Variants in ATP2C2 observed in about 807,000 individuals in gnomAD.
ATP2C2 encodes calcium-transporting ATPase type 2C member 2.
A neutral mutation model predicts 110.8 loss-of-function variants in ATP2C2; 171 were observed. The ratio of observed to expected loss-of-function variants is 1.54; its 90% confidence interval spans 1.36 to 1.75. The LOEUF (loss-of-function observed/expected upper bound fraction) is 1.75. ATP2C2 is among the 40% of genes most tolerant of loss of function. The pLI is 0.00. For missense variants in ATP2C2, 1,963 were observed against 1,235.0 expected, an observed-to-expected ratio of 1.59 and a Z score of -8.84; for synonymous variants, 804 against 508.4, an observed-to-expected ratio of 1.58 and a Z score of -7.82.
At chr16:84,381,734 G>A (rs531358326) in intron 1 of ATP2C2, among the ~76,000 whole-genome samples, 67 of 152,232 alleles carry the variant, frequency 4.4e-4, no homozygotes, top group Non-Finnish European at 8.8e-4. Flanking sequence ...GTAGGCATTC[G>A]TATTTAACCC....
chr16:84,420,037 T>C (rs1567711030), intron 7 of ATP2C2, among the ~76,000 whole-genome samples: 1 of 152,120 alleles, frequency 6.6e-6, no homozygotes, highest in Non-Finnish European at 1.5e-5. Context: ...AAGTTTTCGC[T>C]TTCAACTGCC....
chr16:84,458,412 G>T (rs1410555117), intron 21 of ATP2C2, among the ~76,000 whole-genome samples: 8 of 140,418 alleles, frequency 5.7e-5, no homozygotes, highest in African/African-American at 1.6e-4. Context: ...ACGTTAGTGG[G>T]TGCAGCGCAC....
Position 84,448,639 on chromosome 16 carries a change from G to A in ATP2C2, c.1610G>A (p.Arg537Lys), listed in dbSNP as rs751989060. 3.1e-6 allele frequency: 5 copies of A among 1,613,962 alleles called. No homozygotes were observed. The highest frequency in any genetic ancestry group is 1.7e-5 in the Admixed American group (1 of 60,000). The change falls in exon 17 of 27, where the codon AGG (arginine) becomes AAG (lysine). Residue 537 changes from arginine to lysine, a missense_variant. Arg to Lys is a conservative substitution (Grantham distance 26). Coordinates refer to ENST00000262429, the MANE Select transcript of ATP2C2 (RefSeq NM_014861.4). The stretch of plus-strand genomic sequence containing the variant: ...CCCCTGCCGCTGACGCCCCAGCAGA[G>A]GTCATTCTGCCTGCAGGAAGAGAAG... ...GIPLPLTPQQ[R>K]SFCLQEEKRM... is the part of the protein sequence containing the mutation.
chr16:84,423,507 C>G (rs922694609), intron 10 of ATP2C2, among the ~76,000 whole-genome samples: 5 of 152,212 alleles, frequency 3.3e-5, no homozygotes, highest in Non-Finnish European at 5.9e-5. Flanking sequence ...TTGCTCACAC[C>G]GCAGTCCAAA....
In ATP2C2 at chr16:84,437,361, T is replaced by C. The variant is rs147679905; in HGVS notation, c.987-1805T>C. 1.5e-3 allele frequency among the ~76,000 whole-genome samples: 233 copies of C among 151,944 alleles called. 1 individual carries two copies. The highest frequency in any genetic ancestry group is 5.4e-3 in the African/African-American group (225 of 41,428). The stretch of plus-strand genomic sequence containing the variant: ...GGTGCACACTGCCACACCCAGCTAA[T>C]TTATATATACATATGTATATATAAT... On this transcript the variant is annotated intron_variant, in intron 11 of 26. Coordinates refer to ENST00000262429, the MANE Select transcript of ATP2C2 (RefSeq NM_014861.4).
At chr16:84,378,760 G>T (rs1395461716) in intron 1 of ATP2C2, among the ~76,000 whole-genome samples, 1 of 152,192 alleles carries the variant, frequency 6.6e-6, no homozygotes, top group African/African-American at 2.4e-5. Context: ...CTTGAAAAAT[G>T]ACTAAGAATC....
Position 84,422,390 on chromosome 16 carries a change from G to A in ATP2C2, c.625G>A (p.Val209Ile), listed in dbSNP as rs1449924938. 6.2e-7 allele frequency: 1 copy of A among 1,613,804 alleles called. No homozygotes were observed. The highest frequency in any genetic ancestry group is 1.1e-5 in the South Asian group (1 of 91,040). Residue 209 changes from valine (V) to isoleucine (I), a missense_variant and splice_region_variant, in exon 8 of 27, where the codon GTC becomes ATC. Physicochemically the swap from Val to Ile is conservative, Grantham distance 29. Coordinates refer to ENST00000262429, the MANE Select transcript of ATP2C2 (RefSeq NM_014861.4). ...RIPADIRLTE[V>I]TDLLVDESSF... Reference sequence around the variant, plus strand: ...CAGCCTTTTCCCCTTGCTCTCCTAGGTCACGGACCTCTTGGTGGATGAATC... The same window carrying A: ...CAGCCTTTTCCCCTTGCTCTCCTAGATCACGGACCTCTTGGTGGATGAATC...
chr16:84,373,503 A>C (rs1484327219), intron 1 of ATP2C2, among the ~76,000 whole-genome samples: 1 of 151,994 alleles, frequency 6.6e-6, no homozygotes, highest in Admixed American at 6.6e-5. Flanking sequence ...CCATCTCAAA[A>C]CAACAACAAC....
In ATP2C2 at chr16:84,452,106, G is replaced by A. The variant is rs765641938; in HGVS notation, c.1831+15G>A. 2 of 1,613,760 alleles carry A rather than the reference G, an allele frequency of 1.2e-6. No individual in the cohort carries two copies. The highest frequency in any genetic ancestry group is 1.7e-6 in the Non-Finnish European group (2 of 1,179,876). ...CTTGGCCATAGGTAACTGGGACAGG[G>A]TCGGGGGTGAGGACGAAAGGACCCA... On this transcript the variant is annotated intron_variant, in intron 18 of 26. Transcript: ENST00000262429.
intron 11 of ATP2C2, among the ~76,000 whole-genome samples, chr16:84,434,344 A>T (rs1908554448): frequency 6.6e-6 from 1 of 151,504 alleles, no homozygotes; most frequent in Non-Finnish European, 1.5e-5. Flanking sequence ...TGAACCCTGG[A>T]GGCGGAGGTT....
At chr16:84,454,731 G>T in intron 20 of ATP2C2, 87 bp from the exon 21 acceptor site, 9 of 1,367,742 alleles carry the variant, frequency 6.6e-6, no homozygotes, top group Non-Finnish European at 8.8e-6. Flanking sequence ...AGACAGAGGT[G>T]TCTGTGGCTG....
intron 1 of ATP2C2, among the ~76,000 whole-genome samples, chr16:84,396,623 CTGAG>C (rs921336492): frequency 1.3e-5 from 2 of 149,932 alleles, no homozygotes; most frequent in African/African-American, 2.5e-5. Context: ...CTGAGGGCAG[CTGAG>C]TGAGTGTGGG....
intron 21 of ATP2C2, 91 bp downstream of exon 21, chr16:84,455,075 G>GGGC (rs1910670442): frequency 6.0e-6 from 9 of 1,507,592 alleles, no homozygotes; most frequent in Non-Finnish European, 8.1e-6. Context: ...GATAGAGGGG[G>GGGC]GGGTCTCGCG....
rs146059119 is a variant in ATP2C2 at position 84,385,537 on chromosome 16, T to C, written c.100-12962T>C. Among the ~76,000 whole-genome samples, 14 of 152,330 alleles carry C rather than the reference T, an allele frequency of 9.2e-5. No homozygotes were observed. In the East Asian group the frequency reaches 2.5e-3, roughly 27 times the overall value. The stretch of plus-strand genomic sequence containing the variant: ...CCCTGTTAACTTGGTCGTTTATTCA[T>C]TGATATCAGTAGGAATGCAAGGACT... On this transcript the variant is annotated intron_variant, in intron 1 of 26. Coordinates refer to ENST00000262429, the MANE Select transcript of ATP2C2 (RefSeq NM_014861.4).
intron 3 of ATP2C2, chr16:84,406,619 G>C (rs539214501): frequency 9.1e-6 from 9 of 985,412 alleles, no homozygotes; most frequent in Non-Finnish European, 9.6e-6. Flanking sequence ...GTTATTCATC[G>C]ATGCGTTTTG....
intron 13 of ATP2C2, among the ~76,000 whole-genome samples, chr16:84,439,852 G>C (rs898656770): frequency 6.6e-6 from 1 of 152,074 alleles, no homozygotes; most frequent in African/African-American, 2.4e-5. Context: ...GTTTGTTTGT[G>C]AGAGACAGAG....
At chr16:84,452,640 A>G (rs1910397190) in intron 18 of ATP2C2, among the ~76,000 whole-genome samples, 1 of 151,786 alleles carries the variant, frequency 6.6e-6, no homozygotes, top group Non-Finnish European at 1.5e-5. Flanking sequence ...CTGGGACTAC[A>G]GGCACCCACC....
intron 2 of ATP2C2, among the ~76,000 whole-genome samples, chr16:84,404,147 C>T (rs1486173386): frequency 6.6e-6 from 1 of 152,324 alleles, no homozygotes; most frequent in Non-Finnish European, 1.5e-5. Context: ...CGTTCAGGTA[C>T]GTGAAAACTC....
intron 17 of ATP2C2, among the ~76,000 whole-genome samples, chr16:84,449,782 C>T (rs554226110): frequency 6.6e-6 from 1 of 152,218 alleles, no homozygotes; most frequent in Non-Finnish European, 1.5e-5. Context: ...TACGACCAAG[C>T]CATTCAGTAG....
Sources: gnomAD v4.1 joint callset for allele counts (sites outside exome capture counted in the v4.1 genomes callset) on GRCh38, gnomAD v4.1.1 for gene constraint, MANE v1.5 for transcripts, NCBI Gene and HGNC (gene_info 2026-07-23, HGNC 2026-07-21) for gene names.